PIWIL3: variants seen among roughly 807,000 people sequenced by gnomAD.
PIWIL3 encodes the protein piwi-like protein 3.
PIWIL3 carries 101 observed loss-of-function variants against 109.7 expected under a neutral mutation model. The observed-to-expected ratio is 0.92, with a 90% CI of 0.78 to 1.09. PIWIL3 has a LOEUF of 1.09. Among genes scored for constraint, PIWIL3 ranks in the 50% least tolerant of loss-of-function variants. The probability of loss-of-function intolerance (pLI) is 0.00; values close to 1 mark genes in which losing one functional copy is unlikely to be tolerated. For synonymous variants in PIWIL3, 373 were observed against 376.4 expected (o/e 0.99, Z 0.10); for missense variants, 1,031 against 1,072.6 (o/e 0.96, Z 0.54).
At chr22:24,743,943 A>G (rs1465267250) in intron 12 of PIWIL3, among the ~76,000 whole-genome samples, 1 of 152,120 alleles carries the variant, frequency 6.6e-6, no homozygotes, top group East Asian at 1.9e-4. Flanking sequence ...GGGTTATAAG[A>G]CAGTATTTGC....
At chr22:24,739,456 A>C (rs1254817526) in intron 12 of PIWIL3, among the ~76,000 whole-genome samples, 1 of 152,212 alleles carries the variant, frequency 6.6e-6, no homozygotes, top group East Asian at 1.9e-4. Context: ...CAAGAGAAAA[A>C]TAACATAGAA....
At chr22:24,727,905 CCA>C in intron 16 of PIWIL3, 43 bp downstream of exon 16, 1 of 1,472,128 alleles carries the variant, frequency 6.8e-7, no homozygotes. Context: ...TCTATTTGGT[CCA>C]CAGTCAGCTA....
intron 7 of PIWIL3, 63 bp from the exon 8 acceptor site, chr22:24,754,280 C>A: frequency 7.0e-7 from 1 of 1,426,546 alleles, no homozygotes; most frequent in Non-Finnish European, 9.7e-7. Flanking sequence ...GGTTTCCAAG[C>A]CTAAGCTCTG....
At chr22:24,744,917 T>C (rs1304892356) in intron 12 of PIWIL3, among the ~76,000 whole-genome samples, 1 of 152,186 alleles carries the variant, frequency 6.6e-6, no homozygotes, top group Non-Finnish European at 1.5e-5. Flanking sequence ...TTTCAGCCAA[T>C]AGCTGCACGA....
At chr22:24,719,957 A>G in intron 19 of PIWIL3, 62 bp from the exon 20 acceptor site, 3 of 1,340,342 alleles carry the variant, frequency 2.2e-6, no homozygotes, top group South Asian at 3.1e-5. Context: ...AGTAAACTTA[A>G]TGTCTGAAAT....
intron 12 of PIWIL3, among the ~76,000 whole-genome samples, chr22:24,742,045 A>C (rs1318464880): frequency 1.3e-5 from 2 of 151,610 alleles, no homozygotes; most frequent in African/African-American, 4.8e-5. Flanking sequence ...AATTCAATGA[A>C]ATTTCAGGAT....
chr22:24,762,366 T>C (rs1375807303), intron 2 of PIWIL3, 32 bp downstream of exon 2: 1 of 1,598,154 alleles, frequency 6.3e-7, no homozygotes, highest in Non-Finnish European at 8.5e-7. Flanking sequence ...CACATATCTC[T>C]TGCAGAAAGG....
intron 12 of PIWIL3, among the ~76,000 whole-genome samples, chr22:24,745,255 C>T (rs1924284246): frequency 6.6e-6 from 1 of 152,144 alleles, no homozygotes; most frequent in Admixed American, 6.6e-5. Flanking sequence ...TAAGTGCCTA[C>T]ATCAAAAGAG....
chr22:24,720,594 C>T (rs545338958), intron 19 of PIWIL3, among the ~76,000 whole-genome samples: 3 of 152,034 alleles, frequency 2.0e-5, no homozygotes, highest in Admixed American at 6.6e-5. Flanking sequence ...ACAATACAAC[C>T]GGTAAGATTG....
intron 2 of PIWIL3, chr22:24,761,878 C>A: frequency 1.2e-6 from 1 of 856,072 alleles, no homozygotes; most frequent in Non-Finnish European, 1.4e-6. Flanking sequence ...AATAAGTGGA[C>A]CTGGAAGGCA....
intron 11 of PIWIL3, 122 bp from the exon 12 acceptor site, chr22:24,749,143 G>A (rs1220994413): frequency 1.1e-5 from 9 of 856,052 alleles, no homozygotes; most frequent in East Asian, 2.6e-5. Context: ...ATTGAGATGC[G>A]GCAGTACCTT....
chr22:24,760,017 G>A (rs757923910), intron 2 of PIWIL3, 28 bp from the exon 3 acceptor site: 13 of 1,612,852 alleles, frequency 8.1e-6, no homozygotes, highest in Middle Eastern at 1.6e-4. Context: ...TAGAAATAAT[G>A]AGCAGTGCCC....
chr22:24,740,076 G>A (rs6004256), intron 12 of PIWIL3, among the ~76,000 whole-genome samples: 59,462 of 141,756 alleles, frequency 0.42, 12,467 homozygotes, highest in East Asian at 0.65. Context: ...AAAATTAGCC[G>A]GGCATGGTGA....
intron 9 of PIWIL3, among the ~76,000 whole-genome samples, chr22:24,750,482 A>ATTTTTTTTTTTTTTTTTTTTTTTTTTT (rs1241174453): frequency 1.7e-5 from 2 of 114,294 alleles, no homozygotes; most frequent in Non-Finnish European, 1.8e-5. Flanking sequence ...ACCACATTTG[A>ATTTTTTTTTTTTTTTTTTTTTTTTTTT]TTTTTTTTCT....
rs115380311 is a variant in PIWIL3 at position 24,726,135 on chromosome 22, A to G, written c.2010-620T>C. On this transcript the variant is annotated intron_variant, in intron 16 of 20. Coordinates refer to ENST00000616349, the MANE Select transcript of PIWIL3 (RefSeq NM_001255975.1). The stretch of plus-strand genomic sequence containing the variant: ...TCACTGCTAGTGTCAGCATCTGAAC[A>G]TGGTAGCCACTCAGAAAAATCTGTT... Among the ~76,000 whole-genome samples, 679 of 152,242 alleles carry G rather than the reference A, an allele frequency of 4.5e-3. 5 individuals are homozygous for G. Among genetic ancestry groups the G allele is most frequent in the African/African-American group, 0.015 (621 of 41,546 alleles).
chr22:24,723,008 C>G (rs1429171894), intron 19 of PIWIL3, 122 bp downstream of exon 19: 26 of 1,145,038 alleles, frequency 2.3e-5, no homozygotes, highest in Non-Finnish European at 2.9e-5. Context: ...AAAAACAGAC[C>G]AAATTAGTTC....
intron 20 of PIWIL3, 68 bp downstream of exon 20, chr22:24,719,680 C>A (rs1219874615): frequency 6.5e-7 from 1 of 1,548,846 alleles, no homozygotes; most frequent in Non-Finnish European, 8.9e-7. Flanking sequence ...GTTCAGAGGT[C>A]CAACATTGTT....
chr22:24,773,483 A>G (rs1294454112), intron 1 of PIWIL3, among the ~76,000 whole-genome samples: 1 of 152,152 alleles, frequency 6.6e-6, no homozygotes, highest in Admixed American at 6.5e-5. Context: ...TGCTCAAAAA[A>G]TGGAAGCCTC....
chr22:24,747,789 T>G lies in PIWIL3; in HGVS notation c.1449+1118A>C, dbSNP rs533349057. ...ATGCAAGACAAGCAATAACAAATGT[T>G]GGTAAGGATGTGGAGAAAAGGGAGC... is the stretch of plus-strand genomic sequence containing the variant. On this transcript the variant is annotated intron_variant, in intron 12 of 20. Transcript: ENST00000616349. 2.6e-5 allele frequency among the ~76,000 whole-genome samples: 4 copies of G among 152,246 alleles called. No homozygotes were observed. In the East Asian group the frequency reaches 7.7e-4, roughly 29 times the overall value.
Sources: gnomAD v4.1 joint callset for allele counts (sites outside exome capture counted in the v4.1 genomes callset) on GRCh38, gnomAD v4.1.1 for gene constraint, MANE v1.5 for transcripts, NCBI Gene and HGNC (gene_info 2026-07-23, HGNC 2026-07-21) for gene names.